EEA1: variants seen among roughly 807,000 people sequenced by gnomAD.
The protein encoded by EEA1 is early endosome antigen 1, also known as early endosome antigen 1, 162kD.
A neutral mutation model predicts 209.2 loss-of-function variants in EEA1; 111 were observed. The ratio of observed to expected loss-of-function variants is 0.53; its 90% CI spans 0.45 to 0.62. The LOEUF is 0.62. EEA1 is among the 20% of genes least tolerant of loss of function. EEA1 has a pLI of 0.00. For missense variants in EEA1, 1,343 were observed against 1,530.8 expected, an observed-to-expected ratio of 0.88 and a Z score of 2.05; for synonymous variants, 536 against 540.6, an observed-to-expected ratio of 0.99 and a Z score of 0.12.
At chr12:92,916,377 G>A (rs184032087) in intron 1 of EEA1, among the ~76,000 whole-genome samples, 17 of 151,878 alleles carry the variant, frequency 1.1e-4, no homozygotes, top group African/African-American at 2.9e-4. Context: ...AATCTGGGCC[G>A]GGCGCGGTGG....
intron 20 of EEA1, among the ~76,000 whole-genome samples, chr12:92,800,449 T>C (rs1874856466): frequency 6.6e-6 from 1 of 152,170 alleles, no homozygotes; most frequent in African/African-American, 2.4e-5. Context: ...ACTAAGAACC[T>C]AGCATTACAT....
chr12:92,921,541 T>G (rs9804723), intron 1 of EEA1, among the ~76,000 whole-genome samples: 1 of 119,712 alleles, frequency 8.4e-6, no homozygotes, highest in South Asian at 2.8e-4. Flanking sequence ...TAGGTGGGAA[T>G]TGAACAATGA....
chr12:92,820,302 C>T (rs1875984033), intron 13 of EEA1, among the ~76,000 whole-genome samples: 1 of 152,156 alleles, frequency 6.6e-6, no homozygotes, highest in Non-Finnish European at 1.5e-5. Flanking sequence ...TCTTCTTTTA[C>T]TTTCACACCA....
chr12:92,838,825 T>C (rs1179083905), intron 10 of EEA1, among the ~76,000 whole-genome samples: 2 of 152,146 alleles, frequency 1.3e-5, no homozygotes, highest in African/African-American at 4.8e-5. Flanking sequence ...AAAGTATACA[T>C]GGACCATTTC....
chr12:92,793,216 G>A (rs565561087), intron 21 of EEA1, among the ~76,000 whole-genome samples: 2 of 152,168 alleles, frequency 1.3e-5, no homozygotes, highest in South Asian at 2.1e-4. Context: ...TTTAAAAACC[G>A]GCACAAGACA....
chr12:92,876,526 C>G (rs183490683), intron 2 of EEA1, among the ~76,000 whole-genome samples: 2 of 152,186 alleles, frequency 1.3e-5, no homozygotes, highest in African/African-American at 4.8e-5. Flanking sequence ...ATCTATGAAC[C>G]GGGAAATGGG....
chr12:92,792,696 A>G (rs1458439600), intron 21 of EEA1, among the ~76,000 whole-genome samples: 2 of 152,248 alleles, frequency 1.3e-5, no homozygotes, highest in Non-Finnish European at 2.9e-5. Context: ...GAATTCTACC[A>G]GAGATACAAA....
At chr12:92,864,454 T>C (rs1361596728) in intron 3 of EEA1, among the ~76,000 whole-genome samples, 3 of 152,280 alleles carry the variant, frequency 2.0e-5, no homozygotes, top group Non-Finnish European at 2.9e-5. Context: ...CTTATTGCTA[T>C]ACTGGTGATT....
chr12:92,828,314 TAAAAC>T (rs961853733), intron 11 of EEA1, among the ~76,000 whole-genome samples: 10 of 152,156 alleles, frequency 6.6e-5, no homozygotes, highest in African/African-American at 2.4e-4. Context: ...ACTGCTCTCT[TAAAAC>T]AAATGCAGGT....
rs754302746 is a variant in EEA1 at position 92,851,133 on chromosome 12, T to C, written c.776A>G (p.Gln259Arg). The C allele has an allele frequency of 1.1e-5, 17 of 1,613,704 alleles. No homozygotes were observed. Among genetic ancestry groups the C allele is most frequent in the Non-Finnish European group, 8.5e-7 (1 of 1,179,902 alleles). Residue 259 changes from glutamine to arginine, a missense_variant, in exon 9 of 29, where the codon CAG becomes CGG. Around this residue, in one of 3 missense-constraint regions of EEA1, gnomAD observed 1,307 missense variants for 1,465.5 expected, o/e 0.89. Transcript: ENST00000322349. ...TACCTCTGAGCTAGCATATTGTGAC[T>C]GCAATTTTTTGCATTCATCTTTGAG... ...EKLKDECKKL[Q>R]SQYASSEATI...
At chr12:92,871,146 A>T (rs927316647) in intron 2 of EEA1, among the ~76,000 whole-genome samples, 1 of 152,230 alleles carries the variant, frequency 6.6e-6, no homozygotes, top group Non-Finnish European at 1.5e-5. Context: ...TTTTGATTTC[A>T]TGGCAAAATT....
At chr12:92,874,816 T>C (rs898720023) in intron 2 of EEA1, among the ~76,000 whole-genome samples, 4 of 152,252 alleles carry the variant, frequency 2.6e-5, no homozygotes, top group Non-Finnish European at 5.9e-5. Context: ...CAGTGAAATA[T>C]TGTATATCAC....
chr12:92,858,306 G>A (rs1877978097), intron 3 of EEA1: 1 of 747,338 alleles, frequency 1.3e-6, no homozygotes, highest in African/African-American at 1.7e-5. Flanking sequence ...ATCCAGAGCT[G>A]CTGTTGACTA....
At chr12:92,848,148 T>C (rs903896135) in intron 9 of EEA1, among the ~76,000 whole-genome samples, 2 of 151,726 alleles carry the variant, frequency 1.3e-5, no homozygotes, top group East Asian at 3.8e-4. Flanking sequence ...CTTGAAAAGA[T>C]AAATTTTTAT....
In EEA1 at chr12:92,851,309, T is replaced by C. The variant is rs1018533929; in HGVS notation, c.643-43A>G. On this transcript the variant is annotated intron_variant, in intron 8 of 28. Coordinates refer to ENST00000322349, the MANE Select transcript of EEA1 (RefSeq NM_003566.4). ...TTAATTAAAAATTAAAGTGAAAAAC[T>C]AAAATAATACACATTTTTAGAATCA... is the stretch of plus-strand genomic sequence containing the variant. 9 of 1,544,996 alleles carry C rather than the reference T, an allele frequency of 5.8e-6. No homozygotes were observed. The African/African-American group carries it at 9.8e-5, about 17-fold the overall frequency.
At chr12:92,908,047 T>G (rs1435095809) in intron 1 of EEA1, among the ~76,000 whole-genome samples, 3 of 151,912 alleles carry the variant, frequency 2.0e-5, no homozygotes, top group African/African-American at 7.3e-5. Flanking sequence ...GCAGCATTAT[T>G]CACAATAGCT....
intron 2 of EEA1, chr12:92,879,479 TA>T (rs1879047925): frequency 3.1e-6 from 1 of 326,778 alleles, no homozygotes; most frequent in Non-Finnish European, 6.0e-6. Context: ...GAGAAAATCA[TA>T]TTATCATCTC....
At chr12:92,895,961 C>A (rs1354489212) in intron 1 of EEA1, among the ~76,000 whole-genome samples, 11 of 151,516 alleles carry the variant, frequency 7.3e-5, no homozygotes, top group African/African-American at 2.4e-5. Context: ...CCTGAAGATG[C>A]GACTGATAAT....
chr12:92,915,395 A>T (rs1030551802), intron 1 of EEA1, among the ~76,000 whole-genome samples: 10 of 152,262 alleles, frequency 6.6e-5, no homozygotes, highest in African/African-American at 2.4e-4. Context: ...TTAAGCCTGG[A>T]AAGGCTGAGG....
Sources: gnomAD v4.1 joint callset for allele counts (sites outside exome capture counted in the v4.1 genomes callset) on GRCh38, gnomAD v4.1.1 for gene constraint, gnomAD v4.1.1 regional missense constraint, MANE v1.5 for transcripts, NCBI Gene and HGNC (gene_info 2026-07-23, HGNC 2026-07-21) for gene names.